TULP2: variants seen among roughly 807,000 people sequenced by gnomAD.
TULP2 encodes TUB like protein 2, also known as tubby-related protein 2.
TULP2 carries 64 observed loss-of-function variants against 60.3 expected under a neutral mutation model. The observed-to-expected ratio is 1.06, with a 90% CI of 0.87 to 1.31. The LOEUF is 1.31. Among genes scored for constraint, TULP2 ranks in the 50% most tolerant of loss-of-function variants. The pLI is 0.00. For synonymous variants in TULP2, 267 were observed against 265.4 expected, an observed-to-expected ratio of 1.01 and a Z score of -0.06; for missense variants, 652 against 667.0, an observed-to-expected ratio of 0.98 and a Z score of 0.25.
At chr19:48,885,699 C>A in intron 8 of TULP2, 139 bp from the exon 9 acceptor site, 1 of 622,426 alleles carries the variant, frequency 1.6e-6, no homozygotes, top group South Asian at 1.9e-5. Context: ...GCCTGGCCAA[C>A]ATGGTGAAAC....
intron 8 of TULP2, among the ~76,000 whole-genome samples, 156 bp downstream of exon 8, chr19:48,887,794 G>A (rs564909712): frequency 6.6e-6 from 1 of 152,274 alleles, no homozygotes; most frequent in East Asian, 1.9e-4. Context: ...CGGACCTCAG[G>A]TGATCCACCC....
Position 48,882,195 on chromosome 19 carries a change from C to T in TULP2, c.1284G>A (p.Glu428=), listed in dbSNP as rs760265995. The T allele has an allele frequency of 6.2e-7, 1 of 1,614,090 alleles. No individual in the cohort carries two copies. The highest frequency in any genetic ancestry group is 8.5e-7 in the Non-Finnish European group (1 of 1,180,004). ...CACGTTGGTAACGACTCAGTAGCGA[C>T]TCCTGTTCCTAGAAGGTAAAGAAGG... ...RINVQPLNEQ[E]SLLSRYQRGD... is the part of the protein sequence containing the mutation. The change falls in exon 12 of 13, where the codon GAG becomes GAA. Residue 428 remains glutamate, a synonymous_variant. Transcript: ENST00000221399.
chr19:48,887,008 C>T (rs1374875685), intron 8 of TULP2, among the ~76,000 whole-genome samples: 2 of 145,360 alleles, frequency 1.4e-5, no homozygotes, highest in Non-Finnish European at 3.0e-5. Context: ...CCACCGTGCC[C>T]GGCCTTTTTT....
At chr19:48,882,308 G>C (rs1258184244) in intron 11 of TULP2, 105 bp from the exon 12 acceptor site, 6 of 1,317,104 alleles carry the variant, frequency 4.6e-6, no homozygotes, top group African/African-American at 2.9e-5. Context: ...CTTGAACAGG[G>C]GCTGGGTAAA....
intron 8 of TULP2, 126 bp from the exon 9 acceptor site, chr19:48,885,686 C>G: frequency 1.4e-6 from 1 of 693,448 alleles, no homozygotes. Flanking sequence ...GAGTTCGAGA[C>G]CAGCCTGGCC....
At chr19:48,881,989 C>G (rs542020694) in intron 12 of TULP2, 43 bp downstream of exon 12, 1 of 1,613,880 alleles carries the variant, frequency 6.2e-7, no homozygotes, top group South Asian at 1.1e-5. Context: ...CACCCTAACC[C>G]CCACCCCACC....
At chr19:48,890,649 G>C (rs749131950) in intron 6 of TULP2, among the ~76,000 whole-genome samples, 1 of 152,158 alleles carries the variant, frequency 6.6e-6, no homozygotes, top group South Asian at 2.1e-4. Context: ...TGGATCCCAG[G>C]AGTGTGGGAC....
chr19:48,881,475 G>A (rs1023495918), intron 12 of TULP2, among the ~76,000 whole-genome samples: 6 of 147,882 alleles, frequency 4.1e-5, no homozygotes, highest in African/African-American at 1.3e-4. Flanking sequence ...TCCGCCTCCC[G>A]GGTTCACACC....
chr19:48,897,717 G>T lies in TULP2; in HGVS notation c.32+120C>A. 1.8e-6 allele frequency: 2 copies of T among 1,093,128 alleles called. No homozygotes were observed. The highest frequency in any genetic ancestry group is 2.8e-6 in the Non-Finnish European group (2 of 709,702). 67.7% of individuals were successfully genotyped at this position (1,093,128 alleles called of 1,614,324 possible). A position where few individuals can be genotyped will look rare whatever the true frequency, so the allele number is the denominator to read the frequency against. On this transcript the variant is annotated intron_variant, in intron 2 of 12. Coordinates refer to ENST00000221399, the MANE Select transcript of TULP2 (RefSeq NM_003323.3). The surrounding 1 kb of genome is among the most constrained non-coding windows in gnomAD (Gnocchi z 4.0). Reference sequence around the variant, plus strand: ...CAGGACACAGGAGTCCAGGTCCCCAGCCCCTTCCTGCAAGGCCGATGGTGC... The same window carrying T: ...CAGGACACAGGAGTCCAGGTCCCCATCCCCTTCCTGCAAGGCCGATGGTGC...
chr19:48,881,198 T>C (rs778258848), intron 12 of TULP2, 72 bp from the exon 13 acceptor site: 2 of 538,092 alleles, frequency 3.7e-6, no homozygotes, highest in Admixed American at 4.7e-5. Flanking sequence ...TGAGACTTTT[T>C]TTTTTTTTTT....
chr19:48,889,694 A>T, intron 6 of TULP2, 63 bp from the exon 7 acceptor site: 1 of 1,428,982 alleles, frequency 7.0e-7, no homozygotes, highest in Non-Finnish European at 9.5e-7. Context: ...AGAAGTAGAC[A>T]TAGGAGACTC....
In TULP2 at chr19:48,886,878, A is replaced by AT. The variant is rs879506248; in HGVS notation, c.948+1071dup. Among the ~76,000 whole-genome samples, 644 of 141,548 alleles carry AT rather than the reference A, an allele frequency of 4.5e-3. 2 individuals carry two copies. The highest frequency in any genetic ancestry group is 7.6e-3 in the South Asian group (34 of 4,458). 92.9% of individuals were successfully genotyped at this position (141,548 alleles called of 152,430 possible). ...AGGTGGGCACCACCAGGCCTGGCTA[A>AT]TTTTTTTTTTTTTTTTGTAGAGACA... On this transcript the variant is annotated intron_variant, in intron 8 of 12. Coordinates refer to ENST00000221399, the MANE Select transcript of TULP2 (RefSeq NM_003323.3).
chr19:48,892,903 T>C (rs939912717), intron 6 of TULP2, among the ~76,000 whole-genome samples: 27 of 150,926 alleles, frequency 1.8e-4, no homozygotes, highest in Non-Finnish European at 3.2e-4. Context: ...ACAGCCTAGG[T>C]GACAGAGTGA....
chr19:48,888,283 A>G (rs533988103), intron 7 of TULP2, 22 bp from the exon 8 acceptor site: 1 of 1,561,180 alleles, frequency 6.4e-7, no homozygotes, highest in South Asian at 1.2e-5. Context: ...ACCAAATTTA[A>G]AGTCGAGGGA....
At position 48,880,988 on chromosome 19, in the gene TULP2, TTGAG is replaced by T; in HGVS notation, c.*19_*22del. ...AAGCTGGCAAGGGTATGGTATTTTA[TTGAG>T]TTATTCAACAGCCAGCTTCTAATTG... is the stretch of plus-strand genomic sequence containing the variant. On this transcript the variant is annotated 3_prime_UTR_variant, in exon 13 of 13. Coordinates refer to ENST00000221399, the MANE Select transcript of TULP2 (RefSeq NM_003323.3). The T allele has an allele frequency of 6.3e-7, 1 of 1,590,440 alleles. No homozygotes were observed. Among genetic ancestry groups the T allele is most frequent in the Non-Finnish European group, 8.6e-7 (1 of 1,158,854 alleles).
Position 48,885,486 on chromosome 19 carries a change from G to A in TULP2, c.1023C>T (p.His341=), listed in dbSNP as rs1221133302. The A allele has an allele frequency of 2.5e-6, 4 of 1,613,924 alleles. No homozygotes were observed. The Admixed American group carries it at 6.7e-5, about 27-fold the overall frequency. The change falls in exon 9 of 13, where the codon CAC becomes CAT. Residue 341 remains histidine (H), a synonymous_variant. Coordinates refer to ENST00000221399, the MANE Select transcript of TULP2 (RefSeq NM_003323.3). ...CGAAATTGTCCCCGTCCCGAGATAG[G>A]TGTGTAGGATCCAGGGAGATGAGGT... The part of the protein sequence containing the change: ...SNYLISLDPT[H]LSRDGDNFVG...
intron 7 of TULP2, among the ~76,000 whole-genome samples, chr19:48,889,027 C>A (rs1232741847): frequency 6.7e-6 from 1 of 149,752 alleles, no homozygotes; most frequent in Non-Finnish European, 1.5e-5. Context: ...CTCTGTCTCC[C>A]GGGCTGGAGT....
intron 9 of TULP2, among the ~76,000 whole-genome samples, chr19:48,885,180 C>T (rs964535279): frequency 6.6e-6 from 1 of 152,044 alleles, no homozygotes; most frequent in Non-Finnish European, 1.5e-5. Flanking sequence ...AGATTATAGG[C>T]GTGAGCCACC....
Position 48,895,386 on chromosome 19 carries a change from G to A in TULP2, c.329C>T (p.Pro110Leu), listed in dbSNP as rs766635375. 1.2e-6 allele frequency: 2 copies of A among 1,613,800 alleles called. No homozygotes were observed. Among genetic ancestry groups the A allele is most frequent in the Non-Finnish European group, 1.7e-6 (2 of 1,179,866 alleles). Residue 110 changes from proline (P) to leucine (L), a missense_variant, in exon 5 of 13, where the codon CCG (proline) becomes CTG (leucine). Physicochemically the swap from Pro to Leu is moderately conservative, Grantham distance 98 (BLOSUM62 -3). Transcript: ENST00000221399. ...GGDGRGERGL[P>L]TPRTEAVFRN... ...AATACCTGCTTCTGTCCGCGGTGTC[G>A]GGAGGCCGCGCTCGCCCCTGCCGTC...
Sources: gnomAD v4.1 joint callset for allele counts (sites outside exome capture counted in the v4.1 genomes callset) on GRCh38, gnomAD v4.1.1 for gene constraint, Gnocchi (gnomAD v3.1) non-coding constraint, MANE v1.5 for transcripts, NCBI Gene and HGNC (gene_info 2026-07-23, HGNC 2026-07-21) for gene names.